The following TOPBP1 variants were observed in gnomAD, a reference collection of about 807,000 sequenced individuals.
The protein encoded by TOPBP1 is DNA topoisomerase II binding protein 1.
Under a neutral mutation model 167.7 loss-of-function variants are expected in TOPBP1, and 28 were observed. That is an observed-to-expected ratio of 0.17 (90% CI 0.12 to 0.23). TOPBP1 has a LOEUF of 0.23. TOPBP1 is among the 10% of genes least tolerant of loss of function. The pLI is 1.00. For missense variants in TOPBP1, 1,554 were observed against 1,809.6 expected, an observed-to-expected ratio of 0.86 and a Z score of 2.56; for synonymous variants, 598 against 611.4, an observed-to-expected ratio of 0.98 and a Z score of 0.32.
chr3:133,649,174 C>A (rs1170858015), intron 10 of TOPBP1, among the ~76,000 whole-genome samples: 1 of 152,190 alleles, frequency 6.6e-6, no homozygotes, highest in Non-Finnish European at 1.5e-5. Flanking sequence ...CAAAATAGAG[C>A]TAGTTAGCTG....
At chr3:133,656,190 A>G (rs2718800) in intron 5 of TOPBP1, among the ~76,000 whole-genome samples, 148,098 of 151,698 alleles carry the variant, frequency 0.98, 72,307 homozygotes, top group South Asian at 0.99. Context: ...GCCTACCTCA[A>G]GTCAGATACG....
chr3:133,625,300 GTAAAAACCA>G, intron 16 of TOPBP1, among the ~76,000 whole-genome samples: 1 of 152,154 alleles, frequency 6.6e-6, no homozygotes, highest in East Asian at 1.9e-4. Context: ...GAAACATCAA[GTAAAAACCA>G]AAGGGTAGGT....
intron 20 of TOPBP1, 101 bp from the exon 21 acceptor site, chr3:133,618,534 CCCA>C (rs745306175): frequency 6.3e-5 from 63 of 1,000,944 alleles, no homozygotes; most frequent in Non-Finnish European, 8.8e-5. Context: ...CCTTTATATG[CCCA>C]CCATCTAGCA....
chr3:133,621,806 A>G (rs1935096306), intron 19 of TOPBP1, among the ~76,000 whole-genome samples: 1 of 151,822 alleles, frequency 6.6e-6, no homozygotes, highest in East Asian at 1.9e-4. Context: ...AGAATGAGTA[A>G]GGAAAACAGA....
At chr3:133,612,944 C>T (rs1934730751) in intron 23 of TOPBP1, among the ~76,000 whole-genome samples, 2 of 152,062 alleles carry the variant, frequency 1.3e-5, no homozygotes, top group Non-Finnish European at 2.9e-5. Flanking sequence ...CTTGGCTCAC[C>T]ACAACCTCCA....
At chr3:133,656,053 T>A (rs946677887) in intron 5 of TOPBP1, among the ~76,000 whole-genome samples, 3 of 151,136 alleles carry the variant, frequency 2.0e-5, no homozygotes, top group Middle Eastern at 3.2e-3. Flanking sequence ...GCCAATACAA[T>A]TCTGTGGTGT....
chr3:133,659,254 C>T (rs921989915), intron 2 of TOPBP1, 104 bp from the exon 3 acceptor site: 1 of 1,187,700 alleles, frequency 8.4e-7, no homozygotes, highest in African/African-American at 1.5e-5. Context: ...TTGAAAGCCA[C>T]CATCACATCT....
intron 25 of TOPBP1, 49 bp from the exon 26 acceptor site, chr3:133,609,011 A>G: frequency 7.4e-7 from 1 of 1,346,542 alleles, no homozygotes; most frequent in East Asian, 2.3e-5. Flanking sequence ...AAATAACAAA[A>G]TAATACAGAT....
In TOPBP1 at chr3:133,657,795, T is replaced by C; in HGVS notation, c.363+3A>G. 1.3e-6 allele frequency: 2 copies of C among 1,538,258 alleles called. No individual in the cohort carries two copies. Among genetic ancestry groups the C allele is most frequent in the Non-Finnish European group, 1.7e-6 (2 of 1,149,618 alleles). On this transcript the variant is annotated splice_donor_region_variant and intron_variant, in intron 4 of 27. Transcript: ENST00000260810. ...GATCAATCATCATGAGATCAATATCTACCCTTTTTTCTTTTTCCAGACTTG... is the reference window on the plus strand; with the variant it reads ...GATCAATCATCATGAGATCAATATCCACCCTTTTTTCTTTTTCCAGACTTG...
Position 133,649,454 on chromosome 3 carries a change from G to A in TOPBP1, c.1433C>T (p.Ala478Val), listed in dbSNP as rs1576310929. Residue 478 changes from alanine to valine, a missense_variant, in exon 10 of 28, where the codon GCT (alanine) becomes GTT (valine). Ala to Val is a moderately conservative substitution (Grantham distance 64). Transcript: ENST00000260810. ...AGCTTGCTCATGCTTTTCACTAGGA[G>A]CAAAGTCTTTCTTAGAGAAGCTGCT... is the stretch of plus-strand genomic sequence containing the variant. ...KNSSFSKKDF[A>V]PSEKHEQADE... The A allele has an allele frequency of 5.6e-6, 9 of 1,613,788 alleles. No homozygotes were observed. In the East Asian group the frequency reaches 2.0e-4, roughly 36 times the overall value.
intron 16 of TOPBP1, among the ~76,000 whole-genome samples, chr3:133,625,754 AAAGAAGT>A (rs1039758742): frequency 2.6e-5 from 4 of 152,144 alleles, no homozygotes; most frequent in African/African-American, 7.2e-5. Flanking sequence ...GAATTAAGAA[AAAGAAGT>A]AAGAAGTACT....
At chr3:133,604,053 G>A (rs1042696999) in intron 27 of TOPBP1, among the ~76,000 whole-genome samples, 1 of 151,748 alleles carries the variant, frequency 6.6e-6, no homozygotes, top group East Asian at 1.9e-4. Context: ...TTATATTTAG[G>A]AACTAAACAA....
intron 16 of TOPBP1, among the ~76,000 whole-genome samples, chr3:133,627,037 G>A (rs1395306222): frequency 1.3e-5 from 2 of 152,170 alleles, no homozygotes; most frequent in Admixed American, 6.5e-5. Context: ...AACTTCACTT[G>A]AGAACTGCTT....
At chr3:133,621,074 T>A (rs1295083269) in intron 19 of TOPBP1, among the ~76,000 whole-genome samples, 5 of 152,172 alleles carry the variant, frequency 3.3e-5, no homozygotes, top group African/African-American at 1.2e-4. Context: ...TGCAGTGGTA[T>A]GGTCATAGCT....
intron 14 of TOPBP1, among the ~76,000 whole-genome samples, chr3:133,633,547 T>C (rs925418412): frequency 3.2e-4 from 49 of 152,284 alleles, no homozygotes; most frequent in Middle Eastern, 3.4e-3. Context: ...CCCCAACACT[T>C]TGGGAGGCCA....
chr3:133,622,430 TG>T lies in TOPBP1; in HGVS notation c.3178+660del, dbSNP rs1935124344. On this transcript the variant is annotated intron_variant, in intron 19 of 27. Transcript: ENST00000260810. ...CTGATCTCAAACTCCTGACCTTGGG[TG>T]ATCTGCCTGCCTCAGCCTCCCAAAG... 2.0e-5 allele frequency among the ~76,000 whole-genome samples: 3 copies of T among 151,744 alleles called. No homozygotes were observed. In the East Asian group the frequency reaches 5.8e-4, roughly 29 times the overall value.
Position 133,656,816 on chromosome 3 carries a change from T to C in TOPBP1, c.405A>G (p.Val135=). ...HKYVQMMGGR[V]YRDLNVSVTH... is the part of the protein sequence containing the mutation. ...TTACTGATACATTAAGGTCTCTGTA[T>C]ACTCGTCCGCCCATCATTTGTACAT... Residue 135 remains valine (V), a synonymous_variant, in exon 5 of 28, where the codon GTA becomes GTG. Transcript: ENST00000260810. The C allele has an allele frequency of 6.2e-7, 1 of 1,606,798 alleles. No homozygotes were observed. Among genetic ancestry groups the C allele is most frequent in the Non-Finnish European group, 8.5e-7 (1 of 1,177,262 alleles).
At chr3:133,638,205 G>C in intron 13 of TOPBP1, 43 bp from the exon 14 acceptor site, 1 of 1,568,236 alleles carries the variant, frequency 6.4e-7, no homozygotes, top group Non-Finnish European at 8.7e-7. Context: ...AGCCACTAAT[G>C]CCCACTTTTT....
intron 16 of TOPBP1, among the ~76,000 whole-genome samples, chr3:133,625,221 TC>T (rs1935230520): frequency 6.6e-6 from 1 of 152,192 alleles, no homozygotes; most frequent in Admixed American, 6.5e-5. Context: ...CGCCTTGCGC[TC>T]CCAAAGTGCT....
Sources: gnomAD v4.1 joint callset for allele counts (sites outside exome capture counted in the v4.1 genomes callset) on GRCh38, gnomAD v4.1.1 for gene constraint, MANE v1.5 for transcripts, NCBI Gene and HGNC (gene_info 2026-07-23, HGNC 2026-07-21) for gene names.